VPS35L: variants seen among roughly 807,000 people sequenced by gnomAD.
The protein encoded by VPS35L is VPS35 endosomal protein-sorting factor-like.
Under a neutral mutation model 133.0 loss-of-function variants are expected in VPS35L, and 83 were observed. The observed-to-expected ratio is 0.62, with a 90% CI of 0.52 to 0.75. The LOEUF is 0.75. Among genes scored for constraint, VPS35L ranks in the 30% least tolerant of loss-of-function variants. The pLI, the probability that VPS35L is intolerant of heterozygous loss-of-function variation, is 0.00. For missense variants in VPS35L, 1,083 were observed against 1,206.8 expected (o/e 0.90, Z 1.52); for synonymous variants, 423 against 449.9 (o/e 0.94, Z 0.76).
intron 1 of VPS35L, among the ~76,000 whole-genome samples, chr16:19,559,581 A>G (rs1487956571): frequency 6.6e-6 from 1 of 152,248 alleles, no homozygotes; most frequent in African/African-American, 2.4e-5. Context: ...ATGCTTTAAC[A>G]TCTCAGACTT....
chr16:19,656,973 T>G (rs1567461570), intron 26 of VPS35L, among the ~76,000 whole-genome samples: 1 of 148,784 alleles, frequency 6.7e-6, no homozygotes, highest in East Asian at 1.9e-4. Context: ...TTTTTTTTTT[T>G]TTTTTTTTTT....
chr16:19,680,192 G>A (rs1548446), intron 27 of VPS35L, among the ~76,000 whole-genome samples: 73,497 of 152,006 alleles, frequency 0.48, 20,162 homozygotes, highest in African/African-American at 0.76. Context: ...ATGGGGCTTC[G>A]TCGTAGTATC....
intron 2 of VPS35L, among the ~76,000 whole-genome samples, chr16:19,567,650 G>A (rs547089068): frequency 2.6e-5 from 4 of 152,070 alleles, no homozygotes; most frequent in African/African-American, 7.2e-5. Flanking sequence ...CATCTGACTC[G>A]ACAGGTTTGA....
chr16:19,604,206 AC>A (rs1206726244), intron 9 of VPS35L, among the ~76,000 whole-genome samples: 1 of 151,016 alleles, frequency 6.6e-6, no homozygotes, highest in Non-Finnish European at 1.5e-5. Flanking sequence ...ATTGTTATAT[AC>A]CCAACCTCTT....
At chr16:19,614,470 G>A (rs116972719) in intron 12 of VPS35L, among the ~76,000 whole-genome samples, 2 of 152,348 alleles carry the variant, frequency 1.3e-5, no homozygotes, top group East Asian at 3.9e-4. Context: ...GGAGTGCAGT[G>A]GCACAATCTT....
At chr16:19,607,252 C>A (rs1972564213) in intron 9 of VPS35L, among the ~76,000 whole-genome samples, 1 of 152,184 alleles carries the variant, frequency 6.6e-6, no homozygotes, top group Non-Finnish European at 1.5e-5. Flanking sequence ...GATGGGCCAG[C>A]TAGCCCCTGG....
intron 9 of VPS35L, 65 bp downstream of exon 9, chr16:19,601,788 G>A: frequency 6.6e-7 from 1 of 1,508,574 alleles, no homozygotes; most frequent in Non-Finnish European, 9.1e-7. Flanking sequence ...GGCTTTTATT[G>A]AGTCAGGATT....
At chr16:19,641,191 A>T (rs974486200) in intron 21 of VPS35L, among the ~76,000 whole-genome samples, 8 of 151,898 alleles carry the variant, frequency 5.3e-5, no homozygotes, top group African/African-American at 1.9e-4. Context: ...CAGCCTCCCG[A>T]GTAGCTGGGA....
chr16:19,606,890 TC>T (rs1302115019), intron 9 of VPS35L, among the ~76,000 whole-genome samples: 18 of 152,186 alleles, frequency 1.2e-4, no homozygotes, highest in African/African-American at 4.3e-4. Flanking sequence ...GCTCTATTGA[TC>T]CTGCCACCTC....
At chr16:19,564,421 T>C (rs532063822) in intron 1 of VPS35L, among the ~76,000 whole-genome samples, 2 of 151,166 alleles carry the variant, frequency 1.3e-5, no homozygotes, top group African/African-American at 4.9e-5. Flanking sequence ...TTGTTTGCCA[T>C]GGAGTCTCGC....
intron 28 of VPS35L, among the ~76,000 whole-genome samples, chr16:19,690,578 A>C (rs1018080061): frequency 1.3e-5 from 2 of 152,202 alleles, no homozygotes; most frequent in African/African-American, 4.8e-5. Flanking sequence ...TAAGAGCGTG[A>C]GCTCTGGAAT....
intron 7 of VPS35L, among the ~76,000 whole-genome samples, chr16:19,584,596 C>T (rs1365321262): frequency 7.4e-6 from 1 of 135,194 alleles, no homozygotes. Context: ...CATTGCACTC[C>T]AACATGGGCA....
intron 8 of VPS35L, among the ~76,000 whole-genome samples, chr16:19,595,161 G>A (rs1972170628): frequency 6.6e-6 from 1 of 152,158 alleles, no homozygotes; most frequent in African/African-American, 2.4e-5. Context: ...TGACTCTGAG[G>A]ACAGGAGGGG....
chr16:19,597,330 C>T (rs1312825580), intron 8 of VPS35L, among the ~76,000 whole-genome samples: 2 of 150,852 alleles, frequency 1.3e-5, no homozygotes, highest in African/African-American at 4.9e-5. Flanking sequence ...TATGATGGTA[C>T]CACTGCACCC....
intron 1 of VPS35L, among the ~76,000 whole-genome samples, chr16:19,557,337 C>A (rs1467417932): frequency 6.6e-6 from 1 of 152,132 alleles, no homozygotes; most frequent in East Asian, 1.9e-4. Context: ...GGTGCCATAA[C>A]GCTTTTAGTA....
At chr16:19,575,673 G>A (rs1341331715) in intron 5 of VPS35L, among the ~76,000 whole-genome samples, 1 of 151,086 alleles carries the variant, frequency 6.6e-6, no homozygotes, top group Non-Finnish European at 1.5e-5. Flanking sequence ...GACCAGCCTG[G>A]CCAACATGGT....
chr16:19,674,184 C>CTTTTTCTT (rs1555507022), intron 27 of VPS35L, among the ~76,000 whole-genome samples: 121 of 70,914 alleles, frequency 1.7e-3, no homozygotes, highest in African/African-American at 6.9e-3. Flanking sequence ...TTTTCTTTTT[C>CTTTTTCTT]TTTTTTTTTT....
intron 24 of VPS35L, among the ~76,000 whole-genome samples, chr16:19,649,724 T>A (rs572860438): frequency 6.6e-6 from 1 of 152,364 alleles, no homozygotes; most frequent in East Asian, 1.9e-4. Flanking sequence ...CCTAAGGCTC[T>A]TTCATTATTT....
chr16:19,639,437 T>G lies in VPS35L; in HGVS notation c.1699-578T>G, dbSNP rs1384922425. On this transcript the variant is annotated intron_variant, in intron 20 of 30. Transcript: ENST00000417362. The surrounding 1 kb of genome is among the most constrained non-coding windows in gnomAD (Gnocchi z 4.1). ...AGAAAAGCTTGTGGTCATCAAAGGTTGCCTGGATGGCTCACCAAAATGTTA... is the reference window on the plus strand; with the variant it reads ...AGAAAAGCTTGTGGTCATCAAAGGTGGCCTGGATGGCTCACCAAAATGTTA... Among the ~76,000 whole-genome samples the G allele has an allele frequency of 6.6e-6, 1 of 152,246 alleles. No homozygotes were observed. Among genetic ancestry groups the G allele is most frequent in the Non-Finnish European group, 1.5e-5 (1 of 68,044 alleles).
Sources: allele counts gnomAD v4.1 joint callset (sites outside exome capture counted in the v4.1 genomes callset), GRCh38; gene constraint gnomAD v4.1.1; non-coding constraint Gnocchi (gnomAD v3.1); transcripts MANE v1.5; gene names NCBI Gene and HGNC (gene_info 2026-07-23, HGNC 2026-07-21).